Variants in GREB1 observed in about 807,000 individuals in gnomAD.
GREB1 encodes the protein protein GREB1.
Under a neutral mutation model 200.7 loss-of-function variants are expected in GREB1, and 106 were observed. That is an observed-to-expected ratio of 0.53 (90% confidence interval 0.45 to 0.62). The LOEUF (loss-of-function observed/expected upper bound fraction) is 0.62, where lower values mean the gene tolerates loss of function less well. Among genes scored for constraint, GREB1 ranks in the 20% least tolerant of loss-of-function variants. GREB1 has a pLI of 0.00. For synonymous variants in GREB1, 1,132 were observed against 1,092.4 expected (o/e 1.04, Z -0.72); for missense variants, 2,243 against 2,556.8 (o/e 0.88, Z 2.65).
chr2:11,622,853 T>G (rs1684118872), intron 23 of GREB1, among the ~76,000 whole-genome samples: 1 of 152,172 alleles, frequency 6.6e-6, no homozygotes, highest in African/African-American at 2.4e-5. Flanking sequence ...GAAGTCAGAC[T>G]TAGGGACAGG....
chr2:11,637,177 C>T (rs989979771), intron 30 of GREB1, among the ~76,000 whole-genome samples: 1 of 151,920 alleles, frequency 6.6e-6, no homozygotes, highest in Admixed American at 6.6e-5. Context: ...AGGAGGGTGG[C>T]GGAGAGGAGC....
chr2:11,589,707 T>A (rs1213843534), intron 10 of GREB1, among the ~76,000 whole-genome samples: 2 of 152,166 alleles, frequency 1.3e-5, no homozygotes, highest in East Asian at 1.9e-4. Context: ...AGTTGTTGCC[T>A]ATTAAAGGCA....
At chr2:11,527,204 G>T (rs962296047) in intron 1 of GREB1, among the ~76,000 whole-genome samples, 2 of 152,018 alleles carry the variant, frequency 1.3e-5, no homozygotes, top group African/African-American at 2.4e-5. Context: ...CTTATTTTTT[G>T]AATGCACCTA....
chr2:11,532,607 A>G (rs1356094937), upstream of GREB1, among the ~76,000 whole-genome samples: 1 of 152,140 alleles, frequency 6.6e-6, no homozygotes, highest in East Asian at 1.9e-4. Context: ...TACCTAAACA[A>G]GTTTGCTGCC....
chr2:11,610,686 AGGTTCCCCCGCCTGCACAGCG>A lies in GREB1; in HGVS notation c.2667-1_2686del. On this transcript the variant is annotated splice_acceptor_variant and coding_sequence_variant, in exon 18 of 33. Coordinates refer to ENST00000381486, the MANE Select transcript of GREB1 (RefSeq NM_014668.4). LOFTEE classifies it high-confidence loss of function. ...GACATGGTCTCTCTGTGTTCCTTGC[AGGTTCCCCCGCCTGCACAGCG>A]CGGTGATCAGGACCTTTGTTCTCGT... The A allele has an allele frequency of 6.2e-7, 1 of 1,605,964 alleles. No homozygotes were observed. Among genetic ancestry groups the A allele is most frequent in the Non-Finnish European group, 8.5e-7 (1 of 1,175,640 alleles).
chr2:11,495,626 T>C (rs1672863314), intron 1 of GREB1, among the ~76,000 whole-genome samples: 1 of 152,080 alleles, frequency 6.6e-6, no homozygotes, highest in Admixed American at 6.6e-5. Context: ...TTATCCTCGT[T>C]TTGCAGAGTG....
Position 11,505,777 on chromosome 2 carries a change from A to C in GREB1, c.-159+23396A>C, listed in dbSNP as rs535589253. ...TGGGAGGATTGCTTGAGCCCAGGAG[A>C]ACGAGGGTGCAGTGAGCTGTGATCA... On this transcript the variant is annotated intron_variant, in intron 1 of 2. Coordinates refer to the GREB1 transcript ENST00000628795. Among the ~76,000 whole-genome samples, 29 of 152,124 alleles carry C rather than the reference A, an allele frequency of 1.9e-4. No homozygotes were observed. In the South Asian group the frequency reaches 6.0e-3, roughly 32 times the overall value.
At chr2:11,571,820 C>T (rs1678328591) in intron 4 of GREB1, among the ~76,000 whole-genome samples, 1 of 152,270 alleles carries the variant, frequency 6.6e-6, no homozygotes, top group South Asian at 2.1e-4. Flanking sequence ...ACGCCATTCT[C>T]CTGCCTCAGC....
chr2:11,485,275 A>ATATATAT (rs1312218903), intron 1 of GREB1, among the ~76,000 whole-genome samples: 158 of 133,774 alleles, frequency 1.2e-3, no homozygotes, highest in African/African-American at 4.3e-3. Context: ...ATATATATGT[A>ATATATAT]TTTTTTTTTT....
chr2:11,628,859 G>C (rs1454876130), intron 25 of GREB1, among the ~76,000 whole-genome samples: 1 of 152,124 alleles, frequency 6.6e-6, no homozygotes, highest in African/African-American at 2.4e-5. Context: ...GCAGGTCTGG[G>C]GGCCACAGTG....
chr2:11,562,752 C>CCTTTTTTAATGATA, intron 3 of GREB1, 170 bp downstream of exon 3: 11 of 642,786 alleles, frequency 1.7e-5, no homozygotes, highest in South Asian at 1.3e-4. Flanking sequence ...AGGTGCTGGC[C>CCTTTTTTAATGATA]CGGCCTGCCC....
At chr2:11,498,437 C>T (rs1401983578) in intron 1 of GREB1, among the ~76,000 whole-genome samples, 1 of 152,014 alleles carries the variant, frequency 6.6e-6, no homozygotes, top group Non-Finnish European at 1.5e-5. Context: ...TTTTTATTAC[C>T]AAGTCAAATA....
chr2:11,560,391 G>A (rs977486756), intron 2 of GREB1, among the ~76,000 whole-genome samples: 1 of 152,138 alleles, frequency 6.6e-6, no homozygotes, highest in African/African-American at 2.4e-5. Flanking sequence ...AACCAACACT[G>A]GAGGAGAAGA....
At chr2:11,624,876 C>G (rs1010100582) in intron 23 of GREB1, among the ~76,000 whole-genome samples, 2 of 151,988 alleles carry the variant, frequency 1.3e-5, no homozygotes, top group Non-Finnish European at 2.9e-5. Flanking sequence ...ATGTGTGGCC[C>G]AAGACAATTC....
At position 11,576,250 on chromosome 2, in the gene GREB1, C is replaced by G; in HGVS notation, c.455-103C>G. 4.5e-6 allele frequency: 4 copies of G among 879,610 alleles called. No homozygotes were observed. The South Asian group carries it at 6.9e-5, about 15-fold the overall frequency. 54.5% of individuals were successfully genotyped at this position (879,610 alleles called of 1,614,324 possible). On this transcript the variant is annotated intron_variant, in intron 4 of 32. Coordinates refer to ENST00000381486, the MANE Select transcript of GREB1 (RefSeq NM_014668.4). ...TGAACCTGGGAGATAGAGGTTGCAG[C>G]GAGCCGAGATCGCACCATTGCATTC... is the stretch of plus-strand genomic sequence containing the variant.
At chr2:11,585,313 G>A (rs2148117995) in intron 8 of GREB1, 39 bp downstream of exon 8, 1 of 1,276,284 alleles carries the variant, frequency 7.8e-7, no homozygotes, top group Non-Finnish European at 1.1e-6. Flanking sequence ...CCAGACTTGG[G>A]TACTGGTGGT....
chr2:11,567,731 A>G (rs1040544214), intron 4 of GREB1, among the ~76,000 whole-genome samples: 1 of 152,162 alleles, frequency 6.6e-6, no homozygotes, highest in Non-Finnish European at 1.5e-5. Flanking sequence ...CTTTGCTCAT[A>G]TGATGTAATT....
intron 1 of GREB1, among the ~76,000 whole-genome samples, chr2:11,495,853 G>C (rs1037907694): frequency 6.0e-5 from 9 of 150,408 alleles, no homozygotes; most frequent in Non-Finnish European, 2.9e-5. Context: ...CTCGATGAGT[G>C]GGGGAAGGAA....
rs1230547045 is a variant in GREB1 at position 11,629,653 on chromosome 2, G to T, written c.4450-295G>T. On this transcript the variant is annotated intron_variant, in intron 25 of 32. Coordinates refer to ENST00000381486, the MANE Select transcript of GREB1 (RefSeq NM_014668.4). This position sits in a 1 kb window ranked among gnomAD's most constrained non-coding sequence, Gnocchi z 5.2. ...TGACCCAGAACAGGGCTCTGGTCAG[G>T]TTCAAAGCCACGGGGACCAGAAAGC... Among the ~76,000 whole-genome samples, 4 of 152,202 alleles carry T rather than the reference G, an allele frequency of 2.6e-5. No homozygotes were observed. Among genetic ancestry groups the T allele is most frequent in the Non-Finnish European group, 4.4e-5 (3 of 68,040 alleles).
Sources: gnomAD v4.1 joint callset for allele counts (sites outside exome capture counted in the v4.1 genomes callset) on GRCh38, gnomAD v4.1.1 for gene constraint, Gnocchi (gnomAD v3.1) non-coding constraint, MANE v1.5 for transcripts, NCBI Gene and HGNC (gene_info 2026-07-23, HGNC 2026-07-21) for gene names.